Variants in EPG5 observed in about 807,000 individuals in gnomAD.
The protein encoded by EPG5 is ectopic P-granules 5 autophagy tethering factor.
EPG5 carries 159 observed loss-of-function variants against 302.7 expected under a neutral mutation model. The observed-to-expected ratio is 0.53, with a 90% confidence interval of 0.46 to 0.60. The LOEUF is 0.60. Ranked by LOEUF, EPG5 falls within the 20% of genes least tolerant of loss-of-function variation. The pLI is 0.00. For missense variants in EPG5, 2,896 were observed against 3,092.4 expected (o/e 0.94, Z 1.51); for synonymous variants, 1,158 against 1,136.8 (o/e 1.02, Z -0.37).
chr18:45,842,757 T>G (rs1364147758), downstream of EPG5: 1 of 154,944 alleles, frequency 6.5e-6, no homozygotes, highest in Non-Finnish European at 1.4e-5. Flanking sequence ...CAAAGCCATC[T>G]TCTCATGAGG....
chr18:45,931,210 G>GA (rs2050388732), intron 11 of EPG5, among the ~76,000 whole-genome samples: 1 of 152,196 alleles, frequency 6.6e-6, no homozygotes, highest in Non-Finnish European at 1.5e-5. Flanking sequence ...AGGCACACTT[G>GA]AAGCTACTTG....
intron 35 of EPG5, among the ~76,000 whole-genome samples, chr18:45,871,961 G>A (rs1232656382): frequency 6.6e-6 from 1 of 152,084 alleles, no homozygotes; most frequent in Non-Finnish European, 1.5e-5. Context: ...AACAATGAAA[G>A]GTAAGCAAGG....
chr18:45,884,552 T>C, intron 30 of EPG5, 65 bp downstream of exon 30: 1 of 1,435,692 alleles, frequency 7.0e-7, no homozygotes, highest in Non-Finnish European at 9.5e-7. Context: ...TTTATTTCTG[T>C]AGAGGAGGAA....
chr18:45,936,017 A>AGT (rs1164344524), intron 10 of EPG5, among the ~76,000 whole-genome samples: 2 of 152,184 alleles, frequency 1.3e-5, no homozygotes. Flanking sequence ...CCCACACTGT[A>AGT]GTGGCAGAAA....
intron 1 of EPG5, among the ~76,000 whole-genome samples, chr18:45,956,497 C>T (rs1036632414): frequency 4.0e-5 from 6 of 151,334 alleles, no homozygotes; most frequent in African/African-American, 1.2e-4. Context: ...TGCTCTGTTG[C>T]GCAGGCTGGA....
At chr18:45,876,433 G>T in intron 34 of EPG5, 91 bp from the exon 35 acceptor site, 1 of 991,858 alleles carries the variant, frequency 1.0e-6, no homozygotes, top group Non-Finnish European at 1.6e-6. Context: ...AGTCCTGGAA[G>T]CCTGTCCATT....
intron 2 of EPG5, 112 bp downstream of exon 2, chr18:45,954,282 A>T: frequency 1.0e-6 from 1 of 982,458 alleles, no homozygotes; most frequent in Non-Finnish European, 1.5e-6. Flanking sequence ...GCACTCTATT[A>T]CTCTAGGCTG....
rs1429331925 is a variant in EPG5, at chr18:45,860,247, C to A, written c.6866G>T (p.Arg2289Leu). The change falls in exon 40 of 44, where the codon CGG becomes CTG. Residue 2289 changes from arginine (R) to leucine (L), a missense_variant. Transcript: ENST00000282041. ...NATIPTAEFL[R>L]GSIRTWIGQK... The stretch of plus-strand genomic sequence containing the variant: ...GCCAATCCAGGTCCGGATACTGCCC[C>A]GAAGGAACTCTGCTGTTGGAATAGT... The A allele has an allele frequency of 1.1e-5, 18 of 1,614,216 alleles. No individual in the cohort carries two copies. Among genetic ancestry groups the A allele is most frequent in the Non-Finnish European group, 1.5e-5 (18 of 1,180,042 alleles).
At position 45,878,307 on chromosome 18, in the gene EPG5, A is replaced by G; in HGVS notation, c.5942+69T>C. Reference sequence around the variant, plus strand: ...TTAAATCTGTGAACTCATCACTTCTACCAAATACCATTTAGAATTTTAAGT... The same window carrying G: ...TTAAATCTGTGAACTCATCACTTCTGCCAAATACCATTTAGAATTTTAAGT... On this transcript the variant is annotated intron_variant, in intron 34 of 43. Coordinates refer to ENST00000282041, the MANE Select transcript of EPG5 (RefSeq NM_020964.3). 3.7e-6 allele frequency: 4 copies of G among 1,066,884 alleles called. No individual in the cohort carries two copies. In the South Asian group the frequency reaches 5.2e-5, roughly 14 times the overall value. The allele number at this position is 1,066,884 out of a possible 1,614,324, so 66.1% of individuals were successfully genotyped here. A position where few individuals can be genotyped will look rare whatever the true frequency, so the allele number is the denominator to read the frequency against.
chr18:45,922,256 G>A, intron 16 of EPG5, 85 bp downstream of exon 16: 1 of 1,509,036 alleles, frequency 6.6e-7, no homozygotes, highest in East Asian at 2.3e-5. Context: ...TTTGACAGAG[G>A]CCTCAGAACT....
the EPG5 span, chr18:45,842,247 G>A: frequency 3.2e-6 from 5 of 1,579,344 alleles, no homozygotes; most frequent in South Asian, 5.5e-5. Context: ...CCAGTGCGAG[G>A]CTTGGCTGGC....
At chr18:45,838,021 C>G in the EPG5 span, 15,537 of 1,235,770 alleles carry the variant, frequency 0.013, 121 homozygotes, top group Middle Eastern at 0.016. Context: ...CAGCCCTCTC[C>G]TCTACCCCAG....
intron 29 of EPG5, among the ~76,000 whole-genome samples, chr18:45,886,081 T>C (rs1476119304): frequency 6.6e-6 from 1 of 152,208 alleles, no homozygotes. Flanking sequence ...AACACTGCAA[T>C]GATAGCATAA....
chr18:45,862,180 CTATTAT>C (rs2048648735), intron 39 of EPG5, among the ~76,000 whole-genome samples: 2 of 152,116 alleles, frequency 1.3e-5, no homozygotes, highest in African/African-American at 4.8e-5. Flanking sequence ...CAAACCATTT[CTATTAT>C]TATTGTCTTA....
chr18:45,828,455 G>A, the EPG5 span, among the ~76,000 whole-genome samples: 72 of 152,258 alleles, frequency 4.7e-4, no homozygotes, highest in Non-Finnish European at 9.4e-4. Context: ...ACGTGGGGCA[G>A]GGGGAAGAAC....
the EPG5 span, among the ~76,000 whole-genome samples, chr18:45,832,790 G>C: frequency 6.6e-6 from 1 of 152,198 alleles, no homozygotes; most frequent in Non-Finnish European, 1.5e-5. Flanking sequence ...AATGTCACAG[G>C]ATGCTGGGGA....
chr18:45,934,317 ATATCCTG>A (rs2050468673), intron 11 of EPG5, among the ~76,000 whole-genome samples: 2 of 152,098 alleles, frequency 1.3e-5, no homozygotes, highest in Non-Finnish European at 2.9e-5. Context: ...AAATAAATAA[ATATCCTG>A]TAGTTTAGAG....
chr18:45,846,507 G>A (rs998643616), downstream of EPG5, among the ~76,000 whole-genome samples: 4 of 89,664 alleles, frequency 4.5e-5, no homozygotes, highest in African/African-American at 1.9e-4. Context: ...GGCAACAAGA[G>A]CAAAACTCCC....
chr18:45,932,375 A>C (rs2050413650), intron 11 of EPG5, among the ~76,000 whole-genome samples: 1 of 152,214 alleles, frequency 6.6e-6, no homozygotes, highest in African/African-American at 2.4e-5. Context: ...GAAATAAACA[A>C]AAAGAAGCCA....
Sources: gnomAD v4.1 joint callset for allele counts (sites outside exome capture counted in the v4.1 genomes callset) on GRCh38, gnomAD v4.1.1 for gene constraint, MANE v1.5 for transcripts, NCBI Gene and HGNC (gene_info 2026-07-23, HGNC 2026-07-21) for gene names.